The following CUL5 variants were observed in gnomAD, a reference collection of about 807,000 sequenced individuals.
The protein encoded by CUL5 is cullin-5.
Under a neutral mutation model 108.8 loss-of-function variants are expected in CUL5, and 26 were observed. That is an observed-to-expected ratio of 0.24 (90% CI 0.18 to 0.33). The LOEUF (loss-of-function observed/expected upper bound fraction) is 0.33. Ranked by LOEUF, CUL5 falls within the 10% of genes least tolerant of loss-of-function variation. The probability of loss-of-function intolerance (pLI) is 1.00; values close to 1 mark genes in which losing one functional copy is unlikely to be tolerated. For synonymous variants in CUL5, 334 were observed against 298.0 expected, an observed-to-expected ratio of 1.12 and a Z score of -1.25; for missense variants, 524 against 909.2, an observed-to-expected ratio of 0.58 and a Z score of 5.45.
Position 108,089,529 on chromosome 11 carries a change from T to G in CUL5, c.1349T>G (p.Phe450Cys). ...VLKYVQNKDV[F>C]MRYHKAHLTR... ...AAGTATGTACAGAACAAAGATGTTT[T>G]TATGAGGTATCATAAAGCTCATTTG... is the stretch of plus-strand genomic sequence containing the variant. Residue 450 changes from phenylalanine (F) to cysteine (C), a missense_variant, in exon 13 of 19, where the codon TTT (phenylalanine) becomes TGT (cysteine). Transcript: ENST00000393094. The G allele has an allele frequency of 6.4e-7, 1 of 1,560,404 alleles. No homozygotes were observed. The highest frequency in any genetic ancestry group is 8.6e-7 in the Non-Finnish European group (1 of 1,158,934).
intron 18 of CUL5, among the ~76,000 whole-genome samples, chr11:108,102,382 A>G (rs1864694152): frequency 6.6e-6 from 1 of 152,092 alleles, no homozygotes; most frequent in Non-Finnish European, 1.5e-5. Context: ...GCTGGAGTGC[A>G]GTGGTACAAT....
Position 108,088,512 on chromosome 11 carries a change from T to C in CUL5, c.1179-15T>C. The C allele has an allele frequency of 6.3e-7, 1 of 1,576,280 alleles. No homozygotes were observed. Among genetic ancestry groups the C allele is most frequent in the Non-Finnish European group, 8.6e-7 (1 of 1,168,118 alleles). ...TAATCATTTTTCCATCAACTGCTTT[T>C]AATTTGTTTTTTAGGGTGGGATTAA... is the stretch of plus-strand genomic sequence containing the variant. On this transcript the variant is annotated splice_polypyrimidine_tract_variant and intron_variant, in intron 11 of 18. Coordinates refer to ENST00000393094, the MANE Select transcript of CUL5 (RefSeq NM_003478.6).
chr11:108,100,039 C>T (rs997708764), intron 18 of CUL5, among the ~76,000 whole-genome samples: 1 of 151,074 alleles, frequency 6.6e-6, no homozygotes, highest in Non-Finnish European at 1.5e-5. Flanking sequence ...ATATTAATAT[C>T]AAGTTCAAAA....
rs1186953370 is a variant in CUL5, at chr11:108,106,141, A to G, written c.*1757A>G. ...GTTTTCTCTAATTAGGTGACTGTTC[A>G]TAATGGGTATATTTGGAATTTAGAA... On this transcript the variant is annotated 3_prime_UTR_variant, in exon 19 of 19. Transcript: ENST00000393094. 1 of 152,504 alleles carries G rather than the reference A, an allele frequency of 6.6e-6. No individual in the cohort carries two copies. The highest frequency in any genetic ancestry group is 1.5e-5 in the Non-Finnish European group (1 of 68,000). The allele number at this position is 152,504 out of a possible 1,614,324, so 9.4% of individuals were successfully genotyped here.
intron 18 of CUL5, among the ~76,000 whole-genome samples, chr11:108,102,032 T>C (rs1864685272): frequency 6.6e-6 from 1 of 152,164 alleles, no homozygotes; most frequent in Admixed American, 6.6e-5. Context: ...TTTATTTTAT[T>C]TTATTTTGAG....
Position 108,105,873 on chromosome 11 carries a change from G to A in CUL5, c.*1489G>A, listed in dbSNP as rs1244945893. 1 of 152,166 alleles carries A rather than the reference G, an allele frequency of 6.6e-6. No individual in the cohort carries two copies. The highest frequency in any genetic ancestry group is 2.4e-5 in the African/African-American group (1 of 41,442). The allele number at this position is 152,166 out of a possible 1,614,324, so 9.4% of individuals were successfully genotyped here. On this transcript the variant is annotated 3_prime_UTR_variant, in exon 19 of 19. Coordinates refer to ENST00000393094, the MANE Select transcript of CUL5 (RefSeq NM_003478.6). ...GAAAGGCATACAGTATTATGTTACA[G>A]TGGAGTGCTTTCAAGAGCATTTCGT... is the stretch of plus-strand genomic sequence containing the variant.
chr11:108,009,318 C>T lies in CUL5; in HGVS notation c.-31C>T, dbSNP rs1490812692. On this transcript the variant is annotated 5_prime_UTR_variant, in exon 1 of 19. Coordinates refer to ENST00000393094, the MANE Select transcript of CUL5 (RefSeq NM_003478.6). ...TGGCCGGGAGCGCCACGAATTCTCG[C>T]GTCGTCTCGCGAGAGTCCAAGTTAA... The T allele has an allele frequency of 1.9e-6, 3 of 1,612,916 alleles. No individual in the cohort carries two copies. The highest frequency in any genetic ancestry group is 2.5e-6 in the Non-Finnish European group (3 of 1,179,310).
chr11:108,019,970 C>T (rs1168720499), intron 1 of CUL5, among the ~76,000 whole-genome samples: 1 of 151,998 alleles, frequency 6.6e-6, no homozygotes, highest in East Asian at 1.9e-4. Flanking sequence ...AGGTACCAGG[C>T]TCTTTTTAAC....
intron 7 of CUL5, 32 bp from the exon 8 acceptor site, chr11:108,070,064 A>G (rs1054928281): frequency 7.0e-7 from 1 of 1,419,106 alleles, no homozygotes; most frequent in Non-Finnish European, 9.9e-7. Flanking sequence ...TACAGCTTAT[A>G]GTAGCCTTGA....
intron 11 of CUL5, among the ~76,000 whole-genome samples, chr11:108,081,074 G>A (rs968597356): frequency 4.0e-5 from 6 of 151,758 alleles, no homozygotes; most frequent in Admixed American, 3.3e-4. Flanking sequence ...ATCACTTGAG[G>A]TCAGGAGTTC....
rs1861990663 is a variant in CUL5, at chr11:108,009,112, C to T, written c.-237C>T. ...TTCGCCGTTCCGGTCTTCCTGAGCG[C>T]GTGCATGAGGTCTTTCGCGTGGGGA... On this transcript the variant is annotated 5_prime_UTR_variant, in exon 1 of 19. Coordinates refer to ENST00000393094, the MANE Select transcript of CUL5 (RefSeq NM_003478.6). 1.6e-5 allele frequency: 9 copies of T among 569,570 alleles called. No homozygotes were observed. In the South Asian group the frequency reaches 1.8e-4, roughly 11 times the overall value. 35.3% of individuals were successfully genotyped at this position (569,570 alleles called of 1,614,324 possible). A position where few individuals can be genotyped will look rare whatever the true frequency, so the allele number is the denominator to read the frequency against.
intron 1 of CUL5, among the ~76,000 whole-genome samples, chr11:108,016,199 G>A (rs1378149443): frequency 6.6e-6 from 1 of 152,102 alleles, no homozygotes; most frequent in African/African-American, 2.4e-5. Flanking sequence ...ACAGGAATGA[G>A]CAAAAGAGCT....
At chr11:108,098,911 G>T (rs1182062306) in intron 18 of CUL5, among the ~76,000 whole-genome samples, 1 of 151,266 alleles carries the variant, frequency 6.6e-6, no homozygotes, top group East Asian at 1.9e-4. Context: ...ACCTACACAT[G>T]ATTGTTTTAA....
chr11:108,066,871 A>G (rs1395786621), intron 7 of CUL5, among the ~76,000 whole-genome samples: 2 of 152,204 alleles, frequency 1.3e-5, no homozygotes, highest in Non-Finnish European at 2.9e-5. Flanking sequence ...AACCATACAC[A>G]TGTTTTTAGG....
At chr11:108,058,412 C>T (rs996559139) in intron 7 of CUL5, among the ~76,000 whole-genome samples, 31 of 151,294 alleles carry the variant, frequency 2.0e-4, no homozygotes, top group African/African-American at 7.3e-4. Context: ...CCACACCCGG[C>T]TAATTTTTTG....
intron 3 of CUL5, 168 bp downstream of exon 3, chr11:108,046,537 A>T: frequency 1.9e-6 from 1 of 535,390 alleles, no homozygotes. Flanking sequence ...TAGTTGGATT[A>T]TTTTTTTCCC....
rs1305603901 is a variant in CUL5 at position 108,105,866 on chromosome 11, T to C, written c.*1482T>C. 6.6e-6 allele frequency: 1 copy of C among 152,178 alleles called. No homozygotes were observed. The highest frequency in any genetic ancestry group is 6.5e-5 in the Admixed American group (1 of 15,276). 9.4% of individuals were successfully genotyped at this position (152,178 alleles called of 1,614,324 possible). On this transcript the variant is annotated 3_prime_UTR_variant, in exon 19 of 19. Transcript: ENST00000393094. ...GAGTACAGAAAGGCATACAGTATTA[T>C]GTTACAGTGGAGTGCTTTCAAGAGC...
chr11:108,040,755 G>A (rs889203400), intron 2 of CUL5, among the ~76,000 whole-genome samples: 1 of 152,050 alleles, frequency 6.6e-6, no homozygotes, highest in Admixed American at 6.6e-5. Flanking sequence ...CTCCAGGCAG[G>A]GTGACAGGGA....
chr11:108,062,559 T>TAAATATTTATTTTATAAATATA (rs1863565187), intron 7 of CUL5, among the ~76,000 whole-genome samples: 1 of 148,574 alleles, frequency 6.7e-6, no homozygotes, highest in Non-Finnish European at 1.5e-5. Flanking sequence ...TATAAATAAT[T>TAAATATTTATTTTATAAATATA]AAATATTTAT....
Sources: gnomAD v4.1 joint callset for allele counts (sites outside exome capture counted in the v4.1 genomes callset) on GRCh38, gnomAD v4.1.1 for gene constraint, MANE v1.5 for transcripts, NCBI Gene and HGNC (gene_info 2026-07-23, HGNC 2026-07-21) for gene names.